Variants in CECR2 observed in about 807,000 individuals in gnomAD.
The protein encoded by CECR2 is CECR2 histone acetyl-lysine reader.
In CECR2, 30 loss-of-function variants were observed where a neutral mutation model predicts 154.5. The ratio of observed to expected loss-of-function variants is 0.19; its 90% CI spans 0.15 to 0.26. CECR2 has a LOEUF of 0.26. Ranked by LOEUF, CECR2 falls within the 10% of genes least tolerant of loss-of-function variation. The pLI is 1.00. For synonymous variants in CECR2, 725 were observed against 683.7 expected, an observed-to-expected ratio of 1.06 and a Z score of -0.94; for missense variants, 1,743 against 1,829.3, an observed-to-expected ratio of 0.95 and a Z score of 0.86.
chr22:17,542,396 C>T lies in CECR2; in HGVS notation c.2253C>T (p.Ser751=), dbSNP rs931670803. 18 of 1,613,780 alleles carry T rather than the reference C, an allele frequency of 1.1e-5. No individual in the cohort carries two copies. The highest frequency in any genetic ancestry group is 1.5e-5 in the Non-Finnish European group (18 of 1,179,868). Residue 751 remains serine (S), a synonymous_variant, in exon 16 of 19, where the codon AGC becomes AGT. Coordinates refer to ENST00000262608, the MANE Select transcript of CECR2 (RefSeq NM_001290047.2). ...APARPPDFPE[S]SEIPPSHMYR... ...CCCGGCCACCAGACTTTCCTGAAAG[C>T]TCAGAAATTCCTCCCAGCCATATGT...
chr22:17,386,084 C>A (rs1020390476), intron 1 of CECR2, among the ~76,000 whole-genome samples: 77 of 152,314 alleles, frequency 5.1e-4, no homozygotes, highest in African/African-American at 1.8e-3. Context: ...ATTGAGCCCT[C>A]ATACGGTGGT....
chr22:17,544,164 G>A (rs184879527), intron 16 of CECR2, among the ~76,000 whole-genome samples: 40 of 152,200 alleles, frequency 2.6e-4, no homozygotes, highest in East Asian at 9.7e-4. Flanking sequence ...CCAGGAGTTC[G>A]AGACCAGCCT....
chr22:17,461,974 G>A (rs1052332935), intron 1 of CECR2, among the ~76,000 whole-genome samples: 1 of 151,752 alleles, frequency 6.6e-6, no homozygotes, highest in African/African-American at 2.4e-5. Flanking sequence ...TTTATTTTTA[G>A]TAGAGACAGG....
intron 1 of CECR2, among the ~76,000 whole-genome samples, chr22:17,431,999 A>G (rs1320679347): frequency 6.7e-6 from 1 of 148,400 alleles, no homozygotes; most frequent in Non-Finnish European, 1.5e-5. Flanking sequence ...GATTTTGCCC[A>G]CTCTTGACAT....
At chr22:17,524,331 G>T in intron 9 of CECR2, 60 bp downstream of exon 9, 1 of 1,563,866 alleles carries the variant, frequency 6.4e-7, no homozygotes, top group Non-Finnish European at 8.7e-7. Flanking sequence ...CCGTCCTGTA[G>T]CCAGAGCCAA....
At chr22:17,462,535 G>T (rs1361370028) in intron 1 of CECR2, among the ~76,000 whole-genome samples, 1 of 152,144 alleles carries the variant, frequency 6.6e-6, no homozygotes, top group African/African-American at 2.4e-5. Context: ...TTGAATTTAA[G>T]CAAATTTAAT....
chr22:17,524,387 C>CCTTTT (rs2056216914), intron 9 of CECR2, 116 bp downstream of exon 9: 12 of 392,364 alleles, frequency 3.1e-5, no homozygotes, highest in Non-Finnish European at 3.1e-5. Flanking sequence ...CCGGCAATTT[C>CCTTTT]TTTTTTTTTT....
chr22:17,533,464 T>C (rs2056390350), intron 9 of CECR2, among the ~76,000 whole-genome samples: 1 of 151,832 alleles, frequency 6.6e-6, no homozygotes, highest in African/African-American at 2.4e-5. Context: ...ACCCCGTCTC[T>C]ACTAAAAATA....
intron 1 of CECR2, among the ~76,000 whole-genome samples, chr22:17,393,307 TA>T (rs1239537389): frequency 6.6e-6 from 1 of 152,238 alleles, no homozygotes; most frequent in African/African-American, 2.4e-5. Context: ...TCATTTAGCA[TA>T]ATGTTTTTAG....
intron 1 of CECR2, among the ~76,000 whole-genome samples, chr22:17,402,747 TTTTC>T: frequency 1.4e-5 from 2 of 138,484 alleles, no homozygotes; most frequent in East Asian, 4.0e-4. Context: ...TCTTTCTTTC[TTTTC>T]TTCTTTTTTT....
chr22:17,479,027 GTT>G (rs11462854), intron 2 of CECR2, among the ~76,000 whole-genome samples: 1 of 151,888 alleles, frequency 6.6e-6, no homozygotes, highest in African/African-American at 2.4e-5. Context: ...ATAGCAATCA[GTT>G]TTCTTATAAC....
At chr22:17,518,707 C>A in intron 8 of CECR2, 1 of 430,116 alleles carries the variant, frequency 2.3e-6, no homozygotes. Context: ...TCAAGCACCT[C>A]AGCAGTTGGC....
intron 6 of CECR2, among the ~76,000 whole-genome samples, chr22:17,504,075 T>TAAATAAATAAATAAATAAATAAAA (rs879844244): frequency 9.3e-5 from 14 of 149,818 alleles, no homozygotes; most frequent in African/African-American, 1.7e-4. Flanking sequence ...AATAAATAAA[T>TAAATAAATAAATAAATAAATAAAA]AAAATTTAAA....
chr22:17,422,220 C>T (rs1159085245), intron 1 of CECR2, among the ~76,000 whole-genome samples: 1 of 151,528 alleles, frequency 6.6e-6, no homozygotes, highest in Non-Finnish European at 1.5e-5. Context: ...TGTTTTGAGA[C>T]GGAGTCTCAC....
At chr22:17,372,727 A>G (rs551324199) in intron 1 of CECR2, among the ~76,000 whole-genome samples, 21 of 152,344 alleles carry the variant, frequency 1.4e-4, no homozygotes, top group African/African-American at 5.1e-4. Context: ...CGTACCTGTT[A>G]GGCCATGTGG....
intron 1 of CECR2, among the ~76,000 whole-genome samples, chr22:17,426,395 C>T (rs1395601656): frequency 6.6e-6 from 1 of 151,904 alleles, no homozygotes; most frequent in Non-Finnish European, 1.5e-5. Flanking sequence ...CTCTCTCTGT[C>T]TCCCAGGCTG....
At chr22:17,378,128 T>C (rs548957749) in intron 1 of CECR2, among the ~76,000 whole-genome samples, 416 of 150,916 alleles carry the variant, frequency 2.8e-3, no homozygotes, top group Non-Finnish European at 3.2e-3. Context: ...GGACTACAGG[T>C]GCCCACCACC....
At chr22:17,401,166 C>T (rs907522281) in intron 1 of CECR2, among the ~76,000 whole-genome samples, 2 of 151,726 alleles carry the variant, frequency 1.3e-5, no homozygotes, top group African/African-American at 4.8e-5. Context: ...AAAGAGTGTT[C>T]CAGAGGTGAG....
chr22:17,399,690 G>A (rs543463858), intron 1 of CECR2, among the ~76,000 whole-genome samples: 39 of 152,280 alleles, frequency 2.6e-4, no homozygotes, highest in Middle Eastern at 3.4e-3. Flanking sequence ...TTACAGGCGT[G>A]AGCCACCGCA....
Sources: allele counts gnomAD v4.1 joint callset (sites outside exome capture counted in the v4.1 genomes callset), GRCh38; gene constraint gnomAD v4.1.1; transcripts MANE v1.5; gene names NCBI Gene and HGNC (gene_info 2026-07-23, HGNC 2026-07-21).